INO80: variants seen among roughly 807,000 people sequenced by gnomAD.
The protein encoded by INO80 is chromatin-remodeling ATPase INO80.
A neutral mutation model predicts 203.4 loss-of-function variants in INO80; 20 were observed. That is an observed-to-expected ratio of 0.10 (90% CI 0.07 to 0.14). INO80 has a LOEUF of 0.14. INO80 is among the 10% of genes least tolerant of loss of function. The probability of loss-of-function intolerance (pLI) is 1.00; values close to 1 mark genes in which losing one functional copy is unlikely to be tolerated. For synonymous variants in INO80, 726 were observed against 685.2 expected (o/e 1.06, Z -0.93); for missense variants, 1,419 against 1,914.4 (o/e 0.74, Z 4.83).
chr15:41,002,220 G>C (rs1335702880), intron 28 of INO80, among the ~76,000 whole-genome samples: 1 of 152,194 alleles, frequency 6.6e-6, no homozygotes, highest in Non-Finnish European at 1.5e-5. Flanking sequence ...CTAAGTTGTA[G>C]AGTCTGAAGG....
rs747949427 is a variant in INO80, at chr15:41,079,900, G to A, written c.932C>T (p.Ala311Val). ...ACGCACCTCCTTCATGCACTGGTGA[G>A]CAAGCTGAAAACAACAACAGCATTA... ...NLFLTNSRKL[A>V]HQCMKEVRRA... The change falls in exon 9 of 36, where the codon GCT becomes GTT. Residue 311 changes from alanine (A) to valine (V), a missense_variant. By Grantham distance (64) the Ala-to-Val change is moderately conservative. Around this residue, in one of 9 missense-constraint regions of INO80, gnomAD observed 87 missense variants for 150.5 expected, o/e 0.58. Transcript: ENST00000648947. 5 of 1,613,876 alleles carry A rather than the reference G, an allele frequency of 3.1e-6. No individual in the cohort carries two copies. The highest frequency in any genetic ancestry group is 1.7e-5 in the Admixed American group (1 of 60,004).
chr15:41,115,774 G>A (rs2046025014), intron 1 of INO80, among the ~76,000 whole-genome samples, 199 bp downstream of exon 1: 1 of 152,198 alleles, frequency 6.6e-6, no homozygotes, highest in African/African-American at 2.4e-5. Flanking sequence ...TATGAAACGG[G>A]AAGGACAAGG....
Position 41,096,339 on chromosome 15 carries a change from C to T in INO80, c.-29G>A, listed in dbSNP as rs769570539. On this transcript the variant is annotated 5_prime_UTR_variant, in exon 2 of 36. Coordinates refer to ENST00000648947, the MANE Select transcript of INO80 (RefSeq NM_017553.3). ...ACAAATCTGTCTTCATGCACAAGGA[C>T]CTCCGACTGCACGGCTGCAGAACAG... 1.3e-6 allele frequency: 2 copies of T among 1,542,538 alleles called. No individual in the cohort carries two copies. The highest frequency in any genetic ancestry group is 2.5e-5 in the South Asian group (2 of 81,184).
Position 40,994,773 on chromosome 15 carries a change from C to CA in INO80, c.3570+2755dup, listed in dbSNP as rs201434480. On this transcript the variant is annotated intron_variant, in intron 29 of 35. Coordinates refer to ENST00000648947, the MANE Select transcript of INO80 (RefSeq NM_017553.3). ...ATAGAAATGGAACTTTGTTTTGTTG[C>CA]ATGCTGAATTCCCAGTGCCTAAAAC... 4.6e-5 allele frequency among the ~76,000 whole-genome samples: 7 copies of CA among 152,324 alleles called. No individual in the cohort carries two copies. In the East Asian group the frequency reaches 1.4e-3, roughly 29 times the overall value.
intron 14 of INO80, among the ~76,000 whole-genome samples, chr15:41,062,200 C>CT (rs2045123915): frequency 6.6e-6 from 1 of 152,034 alleles, no homozygotes; most frequent in African/African-American, 2.4e-5. Context: ...GGGATGTAGT[C>CT]CAAGTATACC....
chr15:41,110,522 T>C (rs986403379), intron 1 of INO80, among the ~76,000 whole-genome samples: 5 of 152,090 alleles, frequency 3.3e-5, no homozygotes, highest in African/African-American at 1.2e-4. Context: ...CACTATAGCC[T>C]TGACCTGCTG....
At chr15:41,115,366 C>T (rs973616177) in intron 1 of INO80, among the ~76,000 whole-genome samples, 2 of 152,210 alleles carry the variant, frequency 1.3e-5, no homozygotes, top group Non-Finnish European at 1.5e-5. Flanking sequence ...AATAGGATGA[C>T]ACTTTCCTAG....
chr15:41,041,428 GTTC>G (rs1187423782), intron 24 of INO80, among the ~76,000 whole-genome samples: 19 of 149,220 alleles, frequency 1.3e-4, no homozygotes, highest in African/African-American at 4.5e-4. Flanking sequence ...GGAGCTTCTA[GTTC>G]TTTTTTTTTT....
intron 1 of INO80, among the ~76,000 whole-genome samples, chr15:41,099,237 CAAAAAAAAAAAAAAAAAA>C (rs71104771): frequency 4.7e-5 from 1 of 21,078 alleles, no homozygotes; most frequent in East Asian, 2.7e-3. Flanking sequence ...GACCCTGTCT[CAAAAAAAAAAAAAAAAAA>C]AAAAAAAAAA....
intron 12 of INO80, 126 bp downstream of exon 12, chr15:41,071,723 A>T (rs2045320746): frequency 2.5e-6 from 2 of 787,134 alleles, no homozygotes; most frequent in African/African-American, 1.8e-5. Context: ...GGCCTCCCAA[A>T]GTGCTGGAAT....
intron 25 of INO80, among the ~76,000 whole-genome samples, chr15:41,026,970 T>G (rs1475542228): frequency 6.6e-6 from 1 of 152,324 alleles, no homozygotes; most frequent in East Asian, 1.9e-4. Context: ...CTGCTAAAGT[T>G]GAAACCACAA....
At chr15:41,103,237 A>T (rs564305944) in intron 1 of INO80, among the ~76,000 whole-genome samples, 1 of 152,280 alleles carries the variant, frequency 6.6e-6, no homozygotes, top group South Asian at 2.1e-4. Context: ...TGTCTGGAAT[A>T]TGTCAGTTTC....
chr15:40,983,178 G>T, intron 34 of INO80, 101 bp from the exon 35 acceptor site: 1 of 966,382 alleles, frequency 1.0e-6, no homozygotes, highest in Non-Finnish European at 1.5e-6. Flanking sequence ...AGCTCTTAGG[G>T]CATTTGTTTT....
At chr15:40,997,467 T>G in intron 29 of INO80, 62 bp downstream of exon 29, 1 of 1,100,566 alleles carries the variant, frequency 9.1e-7, no homozygotes, top group East Asian at 2.4e-5. Flanking sequence ...TAGAAAAACC[T>G]ACATAGTAGG....
At chr15:41,085,618 C>A (rs1377892521) in intron 6 of INO80, 35 bp from the exon 7 acceptor site, 1 of 1,556,842 alleles carries the variant, frequency 6.4e-7, no homozygotes, top group Non-Finnish European at 8.8e-7. Context: ...GTTGCACTTC[C>A]ACAGGAGATA....
At chr15:40,984,156 C>T (rs1296221450) in intron 33 of INO80, 41 bp downstream of exon 33, 6 of 1,603,078 alleles carry the variant, frequency 3.7e-6, no homozygotes, top group South Asian at 1.1e-5. Context: ...GGTCAGGACA[C>T]TCCTTACGGC....
rs568085845 is a variant in INO80, at chr15:41,061,548, A to G, written c.1783-1622T>C. Among the ~76,000 whole-genome samples the G allele has an allele frequency of 2.8e-3, 408 of 147,216 alleles. 3 individuals carry two copies. Among genetic ancestry groups the G allele is most frequent in the South Asian group, 0.014 (62 of 4,550 alleles). On this transcript the variant is annotated intron_variant, in intron 14 of 35. Coordinates refer to ENST00000648947, the MANE Select transcript of INO80 (RefSeq NM_017553.3). Reference sequence around the variant, plus strand: ...TGAGGCAGGAAAATCGCTTGAACCCAGGAAGCAGAAGTTGCAGTGAGCCGA... The same window carrying G: ...TGAGGCAGGAAAATCGCTTGAACCCGGGAAGCAGAAGTTGCAGTGAGCCGA...
intron 25 of INO80, among the ~76,000 whole-genome samples, chr15:41,022,435 A>G (rs527718948): frequency 5.3e-5 from 8 of 152,312 alleles, no homozygotes; most frequent in East Asian, 3.9e-4. Flanking sequence ...GCGGACCAAA[A>G]GTGTAGATTT....
intron 1 of INO80, among the ~76,000 whole-genome samples, chr15:41,111,051 A>C (rs1017523073): frequency 1.7e-4 from 26 of 152,228 alleles, no homozygotes; most frequent in African/African-American, 6.3e-4. Context: ...ATGCCAAGCT[A>C]ATTAGAATTC....
Sources: allele counts gnomAD v4.1 joint callset (sites outside exome capture counted in the v4.1 genomes callset), GRCh38; gene constraint gnomAD v4.1.1; regional missense constraint gnomAD v4.1.1; transcripts MANE v1.5; gene names NCBI Gene and HGNC (gene_info 2026-07-23, HGNC 2026-07-21).